The following DDIT4 variants were observed in gnomAD, a reference collection of about 807,000 sequenced individuals.
The protein encoded by DDIT4 is DNA damage inducible transcript 4, also known as DNA damage-inducible transcript 4 protein.
In DDIT4, 20 loss-of-function variants were observed where a neutral mutation model predicts 20.2. The observed-to-expected ratio is 0.99, with a 90% CI of 0.70 to 1.44. The LOEUF (loss-of-function observed/expected upper bound fraction) is 1.44. Among genes scored for constraint, DDIT4 ranks in the 40% most tolerant of loss-of-function variants. DDIT4 has a pLI of 0.00. For missense variants in DDIT4, 316 were observed against 298.1 expected (o/e 1.06, Z -0.44); for synonymous variants, 152 against 144.6 (o/e 1.05, Z -0.37).
In DDIT4 at chr10:72,274,698, C is replaced by G. The variant is rs370128003; in HGVS notation, c.209C>G (p.Thr70Arg). The G allele has an allele frequency of 2.5e-6, 4 of 1,608,072 alleles. No individual in the cohort carries two copies. The highest frequency in any genetic ancestry group is 2.6e-6 in the Non-Finnish European group (3 of 1,176,262). Reference protein sequence around the residue: ...SNSGFGPEEDTAYLDGVSLPD... With the variant: ...SNSGFGPEEDRAYLDGVSLPD... ...TCCTGTGTGCTCTCCTTTCCAGACA[C>G]GGCTTACCTGGATGGGGTGTCGTTG... The change falls in exon 3 of 3, where the codon ACG (threonine) becomes AGG (arginine). Residue 70 changes from threonine to arginine, a missense_variant. Thr to Arg is a moderately conservative substitution (Grantham distance 71, BLOSUM62 -1). Transcript: ENST00000307365.
At position 72,275,363 on chromosome 10, in the gene DDIT4, G is replaced by A. The variant is rs1415286794; in HGVS notation, c.*175G>A. 1.0e-5 allele frequency: 7 copies of A among 701,822 alleles called. No homozygotes were observed. The highest frequency in any genetic ancestry group is 2.9e-5 in the Admixed American group (1 of 34,052). The allele number at this position is 701,822 out of a possible 1,614,324, so 43.5% of individuals were successfully genotyped here. On this transcript the variant is annotated 3_prime_UTR_variant, in exon 3 of 3. Transcript: ENST00000307365. Reference sequence around the variant, plus strand: ...CCAGGAAGCTCATTGAGTTGTGTGCGGGTGGCTGTGCATTGGGGACACATA... The same window carrying A: ...CCAGGAAGCTCATTGAGTTGTGTGCAGGTGGCTGTGCATTGGGGACACATA...
At chr10:72,274,635 G>A (rs902001783) in intron 2 of DDIT4, 60 bp from the exon 3 acceptor site, 233 of 1,536,328 alleles carry the variant, frequency 1.5e-4, no homozygotes, top group Non-Finnish European at 1.8e-4. Context: ...CACCTCCCCC[G>A]CCTGTGCGTT....
Position 72,275,285 on chromosome 10 carries a change from T to G in DDIT4, c.*97T>G. On this transcript the variant is annotated 3_prime_UTR_variant, in exon 3 of 3. Transcript: ENST00000307365. The stretch of plus-strand genomic sequence containing the variant: ...GCAGGAGCTGAGGGACTGATTCCTG[T>G]GGTTGGAAAACTGAGGCAGCCACCT... 1 of 1,387,748 alleles carries G rather than the reference T, an allele frequency of 7.2e-7. No homozygotes were observed. Among genetic ancestry groups the G allele is most frequent in the Non-Finnish European group, 9.6e-7 (1 of 1,037,468 alleles). 86.0% of individuals were successfully genotyped at this position (1,387,748 alleles called of 1,614,324 possible).
rs1265804411 is a variant in DDIT4 at position 72,274,658 on chromosome 10, C to T, written c.206-37C>T. On this transcript the variant is annotated intron_variant, in intron 2 of 2. Coordinates refer to ENST00000307365, the MANE Select transcript of DDIT4 (RefSeq NM_019058.4). ...CCGCCTGTGCGTTTCGTTTTGAAGC[C>T]GCTCTAATACCCCTTCCTGTGTGCT... is the stretch of plus-strand genomic sequence containing the variant. 4.5e-6 allele frequency: 7 copies of T among 1,554,128 alleles called. No homozygotes were observed. In the East Asian group the frequency reaches 1.1e-4, roughly 25 times the overall value.
Position 72,273,996 on chromosome 10 carries a change from T to TAGCA in DDIT4, c.-125_-124insAGCA. 2.9e-6 allele frequency: 1 copy of TAGCA among 350,440 alleles called. No individual in the cohort carries two copies. Among genetic ancestry groups the TAGCA allele is most frequent in the Non-Finnish European group, 5.0e-6 (1 of 201,264 alleles). 21.7% of individuals were successfully genotyped at this position (350,440 alleles called of 1,614,324 possible). A position where few individuals can be genotyped will look rare whatever the true frequency, so the allele number is the denominator to read the frequency against. On this transcript the variant is annotated 5_prime_UTR_variant, in exon 1 of 3. Coordinates refer to ENST00000307365, the MANE Select transcript of DDIT4 (RefSeq NM_019058.4). ...GGCGGCTCTCGGTGGTTGGCACGGG[T>TAGCA]TCGCACACCCATTCAAGCGGCAGGA... is the stretch of plus-strand genomic sequence containing the variant.
chr10:72,275,563 C>G lies in DDIT4; in HGVS notation c.*375C>G. 4.7e-6 allele frequency: 1 copy of G among 213,386 alleles called. No individual in the cohort carries two copies. Among genetic ancestry groups the G allele is most frequent in the South Asian group, 7.1e-5 (1 of 14,018 alleles). The allele number at this position is 213,386 out of a possible 1,614,324, so 13.2% of individuals were successfully genotyped here. ...CCGGCCCAGGGTGAAGGAAGAGGCACGTGCTCCTCAGAGCAGCCGGAGGGA... is the reference window on the plus strand; with the variant it reads ...CCGGCCCAGGGTGAAGGAAGAGGCAGGTGCTCCTCAGAGCAGCCGGAGGGA... On this transcript the variant is annotated 3_prime_UTR_variant, in exon 3 of 3. Transcript: ENST00000307365.
rs951910295 is a variant in DDIT4 at position 72,275,170 on chromosome 10, G to T, written c.681G>T (p.Leu227=). 5.0e-6 allele frequency: 8 copies of T among 1,610,692 alleles called. No individual in the cohort carries two copies. Among genetic ancestry groups the T allele is most frequent in the Non-Finnish European group, 6.8e-6 (8 of 1,179,838 alleles). The change falls in exon 3 of 3, where the codon CTG becomes CTT. Residue 227 remains leucine (L), a synonymous_variant. Transcript: ENST00000307365. Reference sequence around the variant, plus strand: ...AGAAGCTGTACAGCTCGGAACAGCTGCTCATTGAGGAGTGTTGAACTTCAA... The same window carrying T: ...AGAAGCTGTACAGCTCGGAACAGCTTCTCATTGAGGAGTGTTGAACTTCAA... ...IKKKLYSSEQ[L]LIEEC is the part of the protein sequence containing the mutation.
chr10:72,273,986 T>TCGCCGTATCATTAAAAAACCA lies in DDIT4; in HGVS notation c.-135_-134insCGCCGTATCATTAAAAAACCA. 3 of 555,898 alleles carry TCGCCGTATCATTAAAAAACCA rather than the reference T, an allele frequency of 5.4e-6. No homozygotes were observed. The highest frequency in any genetic ancestry group is 1.9e-5 in the African/African-American group (1 of 52,530). 34.4% of individuals were successfully genotyped at this position (555,898 alleles called of 1,614,324 possible). A position where few individuals can be genotyped will look rare whatever the true frequency, so the allele number is the denominator to read the frequency against. ...GACGGGTCTGGGCGGCTCTCGGTGG[T>TCGCCGTATCATTAAAAAACCA]TGGCACGGGTTCGCACACCCATTCA... is the stretch of plus-strand genomic sequence containing the variant. On this transcript the variant is annotated 5_prime_UTR_variant, in exon 1 of 3. It adds an upstream start codon to the 5' untranslated region. Coordinates refer to ENST00000307365, the MANE Select transcript of DDIT4 (RefSeq NM_019058.4).
In DDIT4 at chr10:72,275,492, CAGT is replaced by C. The variant is rs10566169; in HGVS notation, c.*305_*307del. The C allele has an allele frequency of 4.6e-3, 1,306 of 285,046 alleles. 12 individuals are homozygous for C. The highest frequency in any genetic ancestry group is 0.027 in the African/African-American group (1,232 of 45,252). 17.7% of individuals were successfully genotyped at this position (285,046 alleles called of 1,614,324 possible). A position where few individuals can be genotyped will look rare whatever the true frequency, so the allele number is the denominator to read the frequency against. ...TATTATTTTTGTTACTGACAGTTAACAGTGGTGTGACATCCAGAGAGCAGCTGG... is the reference window on the plus strand; with the variant it reads ...TATTATTTTTGTTACTGACAGTTAACGGTGTGACATCCAGAGAGCAGCTGG... On this transcript the variant is annotated 3_prime_UTR_variant, in exon 3 of 3. Transcript: ENST00000307365.
At position 72,274,444 on chromosome 10, in the gene DDIT4, C is replaced by A. The variant is rs111829278; in HGVS notation, c.205+23C>A. 0.01 allele frequency: 15,490 copies of A among 1,531,934 alleles called. 1,283 individuals are homozygous for A. The African/African-American group carries it at 0.18, about 18-fold the overall frequency. 94.9% of individuals were successfully genotyped at this position (1,531,934 alleles called of 1,614,324 possible). A position where few individuals can be genotyped will look rare whatever the true frequency, so the allele number is the denominator to read the frequency against. ...AAGGTGAGCGGTGGGCGGGTGCCGA[C>A]GCGACTCGAGGGGCCGGGAAGGTGG... is the stretch of plus-strand genomic sequence containing the variant. On this transcript the variant is annotated intron_variant, in intron 2 of 2. Transcript: ENST00000307365.
chr10:72,275,487 G>C lies in DDIT4; in HGVS notation c.*299G>C. The C allele has an allele frequency of 3.4e-6, 1 of 290,144 alleles. No homozygotes were observed. Among genetic ancestry groups the C allele is most frequent in the Non-Finnish European group, 6.5e-6 (1 of 153,352 alleles). The allele number at this position is 290,144 out of a possible 1,614,324, so 18.0% of individuals were successfully genotyped here. A position where few individuals can be genotyped will look rare whatever the true frequency, so the allele number is the denominator to read the frequency against. ...TACCTTATTATTTTTGTTACTGACA[G>C]TTAACAGTGGTGTGACATCCAGAGA... On this transcript the variant is annotated 3_prime_UTR_variant, in exon 3 of 3. Coordinates refer to ENST00000307365, the MANE Select transcript of DDIT4 (RefSeq NM_019058.4).
chr10:72,275,338 C>T lies in DDIT4; in HGVS notation c.*150C>T. 1 of 842,150 alleles carries T rather than the reference C, an allele frequency of 1.2e-6. No homozygotes were observed. 52.2% of individuals were successfully genotyped at this position (842,150 alleles called of 1,614,324 possible). On this transcript the variant is annotated 3_prime_UTR_variant, in exon 3 of 3. Coordinates refer to ENST00000307365, the MANE Select transcript of DDIT4 (RefSeq NM_019058.4). ...GGTGGAGGTGGGGGAATAGTGTTTC[C>T]CAGGAAGCTCATTGAGTTGTGTGCG...
At position 72,274,647 on chromosome 10, in the gene DDIT4, C is replaced by A. The variant is rs765574596; in HGVS notation, c.206-48C>A. ...CAGCACCTCCCCCGCCTGTGCGTTT[C>A]GTTTTGAAGCCGCTCTAATACCCCT... On this transcript the variant is annotated intron_variant, in intron 2 of 2. Coordinates refer to ENST00000307365, the MANE Select transcript of DDIT4 (RefSeq NM_019058.4). 15 of 1,544,838 alleles carry A rather than the reference C, an allele frequency of 9.7e-6. No individual in the cohort carries two copies. In the East Asian group the frequency reaches 3.4e-4, roughly 35 times the overall value.
Position 72,274,390 on chromosome 10 carries a change from C to T in DDIT4, c.174C>T (p.Asp58=), listed in dbSNP as rs762114087. 6 of 1,591,162 alleles carry T rather than the reference C, an allele frequency of 3.8e-6. No individual in the cohort carries two copies. Among genetic ancestry groups the T allele is most frequent in the South Asian group, 3.3e-5 (3 of 89,668 alleles). The part of the protein sequence containing the change: ...SLESSDCESL[D]SSNSGFGPEE... ...AGAGCTCGGACTGCGAGTCCCTGGACAGCAGCAACAGTGGCTTCGGGCCGG... is the reference window on the plus strand; with the variant it reads ...AGAGCTCGGACTGCGAGTCCCTGGATAGCAGCAACAGTGGCTTCGGGCCGG... The change falls in exon 2 of 3, where the codon GAC becomes GAT. Residue 58 remains aspartate, a synonymous_variant. Transcript: ENST00000307365.
chr10:72,275,100 T>C lies in DDIT4; in HGVS notation c.611T>C (p.Phe204Ser). ...GCCAACTCTCCCTTCCTCCCTGGCT[T>C]CAGCCAGTCCCTGACGCTGAGCACT... Reference protein sequence around the residue: ...SSANSPFLPGFSQSLTLSTGF... With the variant: ...SSANSPFLPGSSQSLTLSTGF... Residue 204 changes from phenylalanine (F) to serine (S), a missense_variant, in exon 3 of 3, where the codon TTC (phenylalanine) becomes TCC (serine). Phe to Ser is a radical substitution (Grantham distance 155). Coordinates refer to ENST00000307365, the MANE Select transcript of DDIT4 (RefSeq NM_019058.4). 6.2e-7 allele frequency: 1 copy of C among 1,613,326 alleles called. No homozygotes were observed. The highest frequency in any genetic ancestry group is 8.5e-7 in the Non-Finnish European group (1 of 1,179,966).
rs145273356 is a variant in DDIT4, at chr10:72,274,932, A to C, written c.443A>C (p.Asp148Ala). 3.7e-5 allele frequency: 60 copies of C among 1,612,450 alleles called. No individual in the cohort carries two copies. The highest frequency in any genetic ancestry group is 4.7e-5 in the Non-Finnish European group (56 of 1,179,856). Residue 148 changes from aspartate to alanine, a missense_variant, in exon 3 of 3, where the codon GAC becomes GCC. Coordinates refer to ENST00000307365, the MANE Select transcript of DDIT4 (RefSeq NM_019058.4). ...EPCGLRGALL[D>A]VCVEQGKSCH... ...TGCGGCCTGCGGGGGGCGCTGCTGG[A>C]CGTCTGCGTGGAGCAGGGCAAGAGC...
chr10:72,274,641 G>A (rs1860804991), intron 2 of DDIT4, 54 bp from the exon 3 acceptor site: 13 of 1,541,826 alleles, frequency 8.4e-6, no homozygotes, highest in African/African-American at 4.1e-5. Flanking sequence ...CCCCGCCTGT[G>A]CGTTTCGTTT....
At position 72,275,427 on chromosome 10, in the gene DDIT4, CA is replaced by C. The variant is rs139902355; in HGVS notation, c.*241del. 7.5e-3 allele frequency: 3,949 copies of C among 526,978 alleles called. 40 individuals are homozygous for C. The highest frequency in any genetic ancestry group is 0.024 in the African/African-American group (1,266 of 52,486). 32.6% of individuals were successfully genotyped at this position (526,978 alleles called of 1,614,324 possible). On this transcript the variant is annotated 3_prime_UTR_variant, in exon 3 of 3. Coordinates refer to ENST00000307365, the MANE Select transcript of DDIT4 (RefSeq NM_019058.4). ...TAGCATGAAACAAAGGCTTAGGGGC[CA>C]ACAAGGCTTCCAGCTGGATGTGTGT...
In DDIT4 at chr10:72,274,934, G is replaced by A. The variant is rs1203828825; in HGVS notation, c.445G>A (p.Val149Ile). ...CGGCCTGCGGGGGGCGCTGCTGGAC[G>A]TCTGCGTGGAGCAGGGCAAGAGCTG... ...PCGLRGALLD[V>I]CVEQGKSCHS... The change falls in exon 3 of 3, where the codon GTC becomes ATC. Residue 149 changes from valine to isoleucine, a missense_variant. Transcript: ENST00000307365. The A allele has an allele frequency of 6.2e-7, 1 of 1,612,568 alleles. No individual in the cohort carries two copies. Among genetic ancestry groups the A allele is most frequent in the South Asian group, 1.1e-5 (1 of 91,060 alleles).
Sources: gnomAD v4.1 joint callset for allele counts on GRCh38, gnomAD v4.1.1 for gene constraint, MANE v1.5 for transcripts, NCBI Gene and HGNC (gene_info 2026-07-23, HGNC 2026-07-21) for gene names.